ATAD2: variants seen among roughly 807,000 people sequenced by gnomAD.
ATAD2 encodes ATPase family AAA domain-containing protein 2.
A neutral mutation model predicts 168.9 loss-of-function variants in ATAD2; 62 were observed. That is an observed-to-expected ratio of 0.37 (90% confidence interval 0.30 to 0.45). The LOEUF is 0.45. Ranked by LOEUF, ATAD2 falls within the 20% of genes least tolerant of loss-of-function variation. The pLI is 1.00. For missense variants in ATAD2, 1,419 were observed against 1,667.8 expected (o/e 0.85, Z 2.60); for synonymous variants, 613 against 571.6 (o/e 1.07, Z -1.03).
chr8:123,399,722 C>T (rs1281193093), upstream of ATAD2, among the ~76,000 whole-genome samples: 2 of 151,802 alleles, frequency 1.3e-5, no homozygotes, highest in Admixed American at 6.6e-5. Context: ...GGCATGGTGG[C>T]GGGCACCTGT....
chr8:123,372,565 T>C (rs1829179881), intron 3 of ATAD2, 72 bp downstream of exon 3: 2 of 1,158,574 alleles, frequency 1.7e-6, no homozygotes, highest in South Asian at 3.4e-5. Context: ...TTATTGTAGG[T>C]ACCTCAAAAA....
intron 16 of ATAD2, 80 bp from the exon 17 acceptor site, chr8:123,346,830 T>C (rs573393547): frequency 1.5e-6 from 2 of 1,372,794 alleles, no homozygotes; most frequent in Admixed American, 4.9e-5. Flanking sequence ...CAAGTCAGCA[T>C]ACTTCAATTA....
chr8:123,414,482 C>T (rs1035644295), intron 1 of ATAD2, among the ~76,000 whole-genome samples: 5 of 152,146 alleles, frequency 3.3e-5, no homozygotes, highest in Admixed American at 6.6e-5. Flanking sequence ...ATGTTAGCTG[C>T]GCACGGTGGT....
At chr8:123,376,665 A>G (rs1006841044) in intron 2 of ATAD2, among the ~76,000 whole-genome samples, 3 of 152,168 alleles carry the variant, frequency 2.0e-5, no homozygotes, top group Non-Finnish European at 4.4e-5. Flanking sequence ...TTAAGAAATA[A>G]TTAATATGGC....
At chr8:123,370,701 AGATTGTT>A (rs1376514759) in intron 6 of ATAD2, among the ~76,000 whole-genome samples, 195 bp downstream of exon 6, 1 of 152,144 alleles carries the variant, frequency 6.6e-6, no homozygotes, top group African/African-American at 2.4e-5. Context: ...TATTGGCTTT[AGATTGTT>A]GATTTCAGTT....
rs1481682635 is a variant in ATAD2, at chr8:123,338,297, G to C, written c.2855-476C>G. 2.6e-5 allele frequency among the ~76,000 whole-genome samples: 4 copies of C among 151,838 alleles called. No individual in the cohort carries two copies. In the South Asian group the frequency reaches 6.2e-4, roughly 24 times the overall value. ...GTGAATCTGGGAGGCAGAGCTTGCAGTGAGCCAAGATCGTGCCACTGCACT... is the reference window on the plus strand; with the variant it reads ...GTGAATCTGGGAGGCAGAGCTTGCACTGAGCCAAGATCGTGCCACTGCACT... On this transcript the variant is annotated intron_variant, in intron 20 of 27. Transcript: ENST00000287394.
intron 22 of ATAD2, 52 bp downstream of exon 22, chr8:123,336,321 T>G: frequency 2.0e-6 from 3 of 1,486,954 alleles, no homozygotes; most frequent in Non-Finnish European, 2.7e-6. Context: ...CAACCCTAAG[T>G]GTTAGCTGCC....
intron 21 of ATAD2, among the ~76,000 whole-genome samples, chr8:123,337,347 G>A (rs957900864): frequency 3.3e-5 from 5 of 151,596 alleles, no homozygotes; most frequent in African/African-American, 1.2e-4. Flanking sequence ...CGGGCAACAG[G>A]AGCAAAACTC....
At chr8:123,388,402 T>C (rs1261093506) in intron 1 of ATAD2, among the ~76,000 whole-genome samples, 1 of 152,134 alleles carries the variant, frequency 6.6e-6, no homozygotes, top group Non-Finnish European at 1.5e-5. Flanking sequence ...TTTATTATTT[T>C]GAGACGGAGT....
At position 123,325,966 on chromosome 8, in the gene ATAD2, A is replaced by G. The variant is rs1322552841; in HGVS notation, c.3929T>C (p.Ile1310Thr). The change falls in exon 26 of 28, where the codon ATC becomes ACC. Residue 1310 changes from isoleucine (I) to threonine (T), a missense_variant. Ile to Thr is a moderately conservative substitution (Grantham distance 89, BLOSUM62 -1). This residue lies in a region of ATAD2 where 303 missense variants were observed against 304.3 expected (regional missense o/e 1.00). Coordinates refer to ENST00000287394, the MANE Select transcript of ATAD2 (RefSeq NM_014109.4). ...AATTGCCAAAGCCTTTTCAACAGTG[A>G]TGAGCTGCTGCTGTTCTACCTGGGA... ...RRSQVEQQQLITVEKALAILS... is the reference protein window; with the variant it reads ...RRSQVEQQQLTTVEKALAILS... 2 of 1,614,118 alleles carry G rather than the reference A, an allele frequency of 1.2e-6. No individual in the cohort carries two copies. The highest frequency in any genetic ancestry group is 1.7e-6 in the Non-Finnish European group (2 of 1,179,950).
Position 123,370,740 on chromosome 8 carries a change from T to C in ATAD2, c.727+163A>G, listed in dbSNP as rs72722100. ...AGTTACTTTCCCAAACAAAACATAC[T>C]ATCCTCTTAAGCTCTCCCCTTTCCC... On this transcript the variant is annotated intron_variant, in intron 6 of 27. Transcript: ENST00000287394. Among the ~76,000 whole-genome samples, 336 of 152,246 alleles carry C rather than the reference T, an allele frequency of 2.2e-3. 3 individuals carry two copies. The highest frequency in any genetic ancestry group is 6.8e-3 in the Middle Eastern group (2 of 294).
intron 10 of ATAD2, 38 bp downstream of exon 10, chr8:123,359,539 T>TTA (rs1828748204): frequency 6.5e-7 from 1 of 1,527,492 alleles, no homozygotes; most frequent in Admixed American, 1.9e-5. Context: ...ACAAAGCACA[T>TTA]TATAGTTCAA....
At chr8:123,411,210 C>T (rs1309161344) in intron 1 of ATAD2, among the ~76,000 whole-genome samples, 1 of 152,142 alleles carries the variant, frequency 6.6e-6, no homozygotes, top group Non-Finnish European at 1.5e-5. Flanking sequence ...TGCAAAACTA[C>T]AAATCATTCT....
chr8:123,414,839 C>T (rs1263301039), intron 1 of ATAD2, among the ~76,000 whole-genome samples: 2 of 152,204 alleles, frequency 1.3e-5, no homozygotes, highest in Non-Finnish European at 2.9e-5. Context: ...AGGATGTTCT[C>T]ACCACTACAC....
At chr8:123,360,296 C>T (rs925039774) in intron 9 of ATAD2, among the ~76,000 whole-genome samples, 9 of 152,170 alleles carry the variant, frequency 5.9e-5, no homozygotes, top group Non-Finnish European at 1.2e-4. Context: ...GATCCAAGAT[C>T]AATCCTCTCA....
chr8:123,348,235 C>T lies in ATAD2; in HGVS notation c.1845G>A (p.Trp615Ter). 6.2e-7 allele frequency: 1 copy of T among 1,601,680 alleles called. No individual in the cohort carries two copies. Among genetic ancestry groups the T allele is most frequent in the Non-Finnish European group, 8.5e-7 (1 of 1,176,634 alleles). ...AAAATGTGTCCAGTGGTTTGGGATT[C>T]CAATCCCTGGTGTGAATCTTTAGAA... is the stretch of plus-strand genomic sequence containing the variant. ...KEILKIHTRD[W>*]NPKPLDTFLE... The change falls in exon 15 of 28, where the codon TGG becomes TGA. Residue 615 changes from tryptophan to a stop codon, truncating the protein, a stop_gained. Coordinates refer to ENST00000287394, the MANE Select transcript of ATAD2 (RefSeq NM_014109.4). LOFTEE classifies it high-confidence loss of function.
chr8:123,408,536 G>T (rs1363937733), intron 1 of ATAD2, among the ~76,000 whole-genome samples: 3 of 152,104 alleles, frequency 2.0e-5, no homozygotes, highest in African/African-American at 7.2e-5. Context: ...TCCTTTTTGA[G>T]GCAGAGTTTC....
chr8:123,346,363 A>T lies in ATAD2; in HGVS notation c.2346-91T>A, dbSNP rs1828242609. 3 of 1,268,750 alleles carry T rather than the reference A, an allele frequency of 2.4e-6. No individual in the cohort carries two copies. The East Asian group carries it at 7.8e-5, about 33-fold the overall frequency. 78.6% of individuals were successfully genotyped at this position (1,268,750 alleles called of 1,614,324 possible). Reference sequence around the variant, plus strand: ...TCAACTATAAACTTTCATAAGTAAAAAGTCTTGCCAATAAGGCCAACCAAT... The same window carrying T: ...TCAACTATAAACTTTCATAAGTAAATAGTCTTGCCAATAAGGCCAACCAAT... On this transcript the variant is annotated intron_variant, in intron 17 of 27. Coordinates refer to ENST00000287394, the MANE Select transcript of ATAD2 (RefSeq NM_014109.4).
chr8:123,372,651 TC>T lies in ATAD2; in HGVS notation c.355del (p.Glu119LysfsTer8). The T allele has an allele frequency of 6.3e-7, 1 of 1,593,456 alleles. No individual in the cohort carries two copies. Among genetic ancestry groups the T allele is most frequent in the South Asian group, 1.2e-5 (1 of 86,674 alleles). On this transcript the variant is annotated frameshift_variant, in exon 3 of 28. Transcript: ENST00000287394. LOFTEE classifies it high-confidence loss of function. ...LARQQADKKK[E>X]EHREDKVIPV... Reference sequence around the variant, plus strand: ...ACAGTACTTACCTTCTCTGTGCTCTTCTTTTTTTTTATCAGCCTGCTGTCTG... The same window carrying T: ...ACAGTACTTACCTTCTCTGTGCTCTTTTTTTTTTTATCAGCCTGCTGTCTG...
Sources: allele counts gnomAD v4.1 joint callset (sites outside exome capture counted in the v4.1 genomes callset), GRCh38; gene constraint gnomAD v4.1.1; regional missense constraint gnomAD v4.1.1; transcripts MANE v1.5; gene names NCBI Gene and HGNC (gene_info 2026-07-23, HGNC 2026-07-21).